Variants in LDLRAD4 observed in about 807,000 individuals in gnomAD.
LDLRAD4 encodes low density lipoprotein receptor class A domain containing 4.
Under a neutral mutation model 17.0 loss-of-function variants are expected in LDLRAD4, and 5 were observed. That is an observed-to-expected ratio of 0.29 (90% CI 0.15 to 0.62). The LOEUF is 0.62. Among genes scored for constraint, LDLRAD4 ranks in the 20% least tolerant of loss-of-function variants. The pLI is 0.84. For synonymous variants in LDLRAD4, 168 were observed against 171.8 expected, an observed-to-expected ratio of 0.98 and a Z score of 0.17; for missense variants, 340 against 424.7, an observed-to-expected ratio of 0.80 and a Z score of 1.75.
intron 1 of LDLRAD4, among the ~76,000 whole-genome samples, chr18:13,283,898 C>T (rs2045443509): frequency 6.6e-6 from 1 of 152,180 alleles, no homozygotes; most frequent in Admixed American, 6.5e-5. Flanking sequence ...GGGCAAAAGG[C>T]ACTTCTTACA....
rs1055294769 is a variant in LDLRAD4 at position 13,226,268 on chromosome 18, G to A, written c.-467+7280G>A. Among the ~76,000 whole-genome samples, 8 of 138,512 alleles carry A rather than the reference G, an allele frequency of 5.8e-5. No homozygotes were observed. In the East Asian group the frequency reaches 1.1e-3, roughly 20 times the overall value. The allele number at this position is 138,512 out of a possible 152,430, so 90.9% of individuals were successfully genotyped here. A position where few individuals can be genotyped will look rare whatever the true frequency, so the allele number is the denominator to read the frequency against. ...ATTCCCGGGCTGAAGCAATCTTCCC[G>A]CCTTGGCCTCCCAGGGTGCTAGGAT... is the stretch of plus-strand genomic sequence containing the variant. On this transcript the variant is annotated intron_variant, in intron 1 of 5. Coordinates refer to the LDLRAD4 transcript ENST00000399848.
chr18:13,602,919 G>T (rs1027964088), intron 3 of LDLRAD4, among the ~76,000 whole-genome samples: 2 of 152,070 alleles, frequency 1.3e-5, no homozygotes, highest in African/African-American at 4.8e-5. Context: ...GAATCCTATT[G>T]GAGAGGACAT....
At chr18:13,325,757 CTTT>C in intron 1 of LDLRAD4, among the ~76,000 whole-genome samples, 1 of 145,840 alleles carries the variant, frequency 6.9e-6, no homozygotes, top group African/African-American at 2.5e-5. Flanking sequence ...AACTTTTTTC[CTTT>C]TTTTTTTTTT....
At chr18:13,386,711 C>T (rs571971422) in intron 1 of LDLRAD4, among the ~76,000 whole-genome samples, 1 of 152,296 alleles carries the variant, frequency 6.6e-6, no homozygotes, top group South Asian at 2.1e-4. Context: ...GCTTTTCCTT[C>T]CTATTCTCAC....
At chr18:13,266,143 T>G (rs2146040442) in intron 1 of LDLRAD4, among the ~76,000 whole-genome samples, 1 of 152,312 alleles carries the variant, frequency 6.6e-6, no homozygotes, top group East Asian at 1.9e-4. Context: ...ACGGTTGTTC[T>G]GTAGTTTGGA....
chr18:13,388,934 C>T (rs553736435), intron 2 of LDLRAD4, among the ~76,000 whole-genome samples: 12 of 152,318 alleles, frequency 7.9e-5, no homozygotes, highest in South Asian at 2.1e-4. Context: ...GGTCAGGGCC[C>T]GTGCTGGTTA....
exon 3 of LDLRAD4, chr18:13,438,360 C>T (rs138826258): frequency 1.2e-6 from 2 of 1,613,878 alleles, no homozygotes; most frequent in East Asian, 2.2e-5. Context: ...GGTGACCGAG[C>T]ACCCGCCTCC....
At chr18:13,618,319 G>A (rs913114587) in intron 3 of LDLRAD4, among the ~76,000 whole-genome samples, 12 of 152,250 alleles carry the variant, frequency 7.9e-5, no homozygotes, top group African/African-American at 2.9e-4. Context: ...GTGGGGCTTG[G>A]TGGAGTCAGG....
chr18:13,386,339 A>G (rs942703824), intron 1 of LDLRAD4, among the ~76,000 whole-genome samples: 1 of 151,800 alleles, frequency 6.6e-6, no homozygotes, highest in Non-Finnish European at 1.5e-5. Context: ...AAATATCTGA[A>G]AAACATTTTG....
rs527506532 is a variant in LDLRAD4 at position 13,257,197 on chromosome 18, C to T, written c.-466-20908C>T. 1.3e-3 allele frequency among the ~76,000 whole-genome samples: 197 copies of T among 152,340 alleles called. 1 individual carries two copies. The highest frequency in any genetic ancestry group is 2.1e-3 in the Non-Finnish European group (146 of 68,036). ...CTCAGAAAGGCCTGAACCCATGTGC[C>T]GTGGGTCTGGTTTTTAAGCTGGTGA... is the stretch of plus-strand genomic sequence containing the variant. On this transcript the variant is annotated intron_variant, in intron 1 of 5. Transcript: ENST00000399848.
At chr18:13,223,328 C>T (rs1380334314) in intron 1 of LDLRAD4, among the ~76,000 whole-genome samples, 1 of 152,246 alleles carries the variant, frequency 6.6e-6, no homozygotes, top group Non-Finnish European at 1.5e-5. Context: ...TTCCCACTCA[C>T]ACTGGCTAGC....
In LDLRAD4 at chr18:13,612,863, A is replaced by G. The variant is rs995339814; in HGVS notation, c.182-8254A>G. ...GGAGTTTGGTCTGAGGACAGAGCTG[A>G]GAAGAGGAGAAGCTCTTTCTCAAGA... On this transcript the variant is annotated intron_variant, in intron 3 of 5. Transcript: ENST00000359446. 4 of 1,438,278 alleles carry G rather than the reference A, an allele frequency of 2.8e-6. No individual in the cohort carries two copies. The African/African-American group carries it at 4.2e-5, about 15-fold the overall frequency. The allele number at this position is 1,438,278 out of a possible 1,614,324, so 89.1% of individuals were successfully genotyped here. A position where few individuals can be genotyped will look rare whatever the true frequency, so the allele number is the denominator to read the frequency against.
intron 1 of LDLRAD4, among the ~76,000 whole-genome samples, chr18:13,357,980 T>C (rs1380250121): frequency 6.6e-6 from 1 of 152,194 alleles, no homozygotes; most frequent in African/African-American, 2.4e-5. Context: ...CCCTGACCAG[T>C]GAAACCCTTT....
At position 13,311,833 on chromosome 18, in the gene LDLRAD4, C is replaced by CTT. The variant is rs34431463; in HGVS notation, c.-383+33660_-383+33661dup. Among the ~76,000 whole-genome samples, 318 of 139,070 alleles carry CTT rather than the reference C, an allele frequency of 2.3e-3. 2 individuals are homozygous for CTT. The highest frequency in any genetic ancestry group is 3.8e-3 in the Middle Eastern group (1 of 264). The allele number at this position is 139,070 out of a possible 152,430, so 91.2% of individuals were successfully genotyped here. On this transcript the variant is annotated intron_variant, in intron 1 of 5. Transcript: ENST00000359446. ...ATCCCAAACACCCTCAAATCTGAAA[C>CTT]TTTTTTTTTTTTTTTTGAGACGGAG...
intron 2 of LDLRAD4, among the ~76,000 whole-genome samples, chr18:13,429,783 A>T (rs1481021637): frequency 6.6e-6 from 1 of 152,238 alleles, no homozygotes; most frequent in Non-Finnish European, 1.5e-5. Context: ...TTCCTGACGC[A>T]GCTCCCGCTT....
chr18:13,626,117 C>A, intron 4 of LDLRAD4, among the ~76,000 whole-genome samples: 2 of 152,074 alleles, frequency 1.3e-5, no homozygotes, highest in Non-Finnish European at 2.9e-5. Context: ...ACATCACAGA[C>A]AAAGCAAATG....
intron 2 of LDLRAD4, among the ~76,000 whole-genome samples, chr18:13,416,876 C>A (rs2088948973): frequency 6.6e-6 from 1 of 152,148 alleles, no homozygotes; most frequent in Non-Finnish European, 1.5e-5. Context: ...CTCTCTGTGC[C>A]ACACTATTCT....
intron 1 of LDLRAD4, among the ~76,000 whole-genome samples, chr18:13,266,743 G>A (rs934488469): frequency 6.6e-6 from 1 of 152,242 alleles, no homozygotes; most frequent in African/African-American, 2.4e-5. Context: ...AGACCCGTGG[G>A]CAGATCCCTG....
Position 13,419,106 on chromosome 18 carries a change from A to G in LDLRAD4, c.41-19138A>G, listed in dbSNP as rs558662679. Among the ~76,000 whole-genome samples, 88 of 152,328 alleles carry G rather than the reference A, an allele frequency of 5.8e-4. 1 individual carries two copies. The highest frequency in any genetic ancestry group is 2.0e-3 in the African/African-American group (84 of 41,580). ...TATAGAATCATTAAGGGTCTGAAGG[A>G]GTTCCTTAAATTTTTAGTTATACTT... is the stretch of plus-strand genomic sequence containing the variant. On this transcript the variant is annotated intron_variant, in intron 2 of 5. Transcript: ENST00000359446.
Sources: gnomAD v4.1 joint callset for allele counts (sites outside exome capture counted in the v4.1 genomes callset) on GRCh38, gnomAD v4.1.1 for gene constraint, MANE v1.5 for transcripts, NCBI Gene and HGNC (gene_info 2026-07-23, HGNC 2026-07-21) for gene names.